The following TUT7 variants were observed in gnomAD, a reference collection of about 807,000 sequenced individuals.
The protein encoded by TUT7 is terminal uridylyltransferase 7.
TUT7 carries 33 observed loss-of-function variants against 165.9 expected under a neutral mutation model. The ratio of observed to expected loss-of-function variants is 0.20; its 90% CI spans 0.15 to 0.27. TUT7 has a LOEUF of 0.27. Among genes scored for constraint, TUT7 ranks in the 10% least tolerant of loss-of-function variants. TUT7 has a pLI of 1.00. For synonymous variants in TUT7, 552 were observed against 608.1 expected, an observed-to-expected ratio of 0.91 and a Z score of 1.36; for missense variants, 1,338 against 1,762.3, an observed-to-expected ratio of 0.76 and a Z score of 4.31.
intron 2 of TUT7, among the ~76,000 whole-genome samples, chr9:86,347,826 G>A (rs375454180): frequency 5.3e-5 from 8 of 151,828 alleles, no homozygotes; most frequent in Admixed American, 2.0e-4. Flanking sequence ...ATACTCCCCC[G>A]ACTCCCAATT....
Position 86,340,123 on chromosome 9 carries a change from A to G in TUT7, c.1139-18T>C. On this transcript the variant is annotated intron_variant, in intron 7 of 26. Coordinates refer to ENST00000375963, the MANE Select transcript of TUT7 (RefSeq NM_024617.4). ...AAAGGAGTCTGAGGAAAGAAGAAGA[A>G]AAATATTAAGTTGGTTAATTAAAGC... 3 of 1,605,344 alleles carry G rather than the reference A, an allele frequency of 1.9e-6. No homozygotes were observed. The highest frequency in any genetic ancestry group is 3.3e-5 in the Admixed American group (2 of 59,816).
At chr9:86,315,641 T>TCAAAACAAAACAAAA (rs569546895) in intron 17 of TUT7, among the ~76,000 whole-genome samples, 1 of 152,154 alleles carries the variant, frequency 6.6e-6, no homozygotes, top group Non-Finnish European at 1.5e-5. Context: ...TGCACGACCT[T>TCAAAACAAAACAAAA]CAAAACAAAA....
In TUT7 at chr9:86,309,586, A is replaced by C. The variant is rs1360704606; in HGVS notation, c.3469-10T>G. On this transcript the variant is annotated splice_polypyrimidine_tract_variant and intron_variant, in intron 19 of 26. Coordinates refer to ENST00000375963, the MANE Select transcript of TUT7 (RefSeq NM_024617.4). ...CACCAATATCACACATCTAGACAGA[A>C]GGAAAACCAAGAACAAAGGAAAGGT... 6.3e-7 allele frequency: 1 copy of C among 1,592,344 alleles called. No individual in the cohort carries two copies. The highest frequency in any genetic ancestry group is 1.8e-5 in the Admixed American group (1 of 56,840).
chr9:86,348,695 T>C (rs1016734550), intron 2 of TUT7, among the ~76,000 whole-genome samples: 1 of 152,076 alleles, frequency 6.6e-6, no homozygotes, highest in Non-Finnish European at 1.5e-5. Context: ...GAGGCTGTGG[T>C]GAGTCATGAT....
Position 86,340,005 on chromosome 9 carries a change from T to A in TUT7, c.1208+31A>T, listed in dbSNP as rs186065313. On this transcript the variant is annotated intron_variant, in intron 8 of 26. Transcript: ENST00000375963. Reference sequence around the variant, plus strand: ...ACTTGTGCTTTTGGCAAGTTGAGAGTTAGTAAATAAACAGTTTAAAGAAAT... The same window carrying A: ...ACTTGTGCTTTTGGCAAGTTGAGAGATAGTAAATAAACAGTTTAAAGAAAT... The A allele has an allele frequency of 4.0e-5, 63 of 1,575,036 alleles. No homozygotes were observed. The East Asian group carries it at 1.4e-3, about 34-fold the overall frequency.
intron 26 of TUT7, among the ~76,000 whole-genome samples, chr9:86,300,356 T>C (rs745563531): frequency 3.3e-5 from 5 of 152,190 alleles, no homozygotes; most frequent in Non-Finnish European, 7.3e-5. Flanking sequence ...TGGAGTATTT[T>C]AGGGAAACTG....
intron 5 of TUT7, among the ~76,000 whole-genome samples, 191 bp from the exon 6 acceptor site, chr9:86,343,354 A>G (rs1366907145): frequency 2.6e-5 from 4 of 152,214 alleles, no homozygotes; most frequent in Non-Finnish European, 5.9e-5. Context: ...TTAATAGGGA[A>G]GGCTGCATCA....
At chr9:86,291,869 A>G (rs1825927243) in intron 26 of TUT7, among the ~76,000 whole-genome samples, 1 of 152,228 alleles carries the variant, frequency 6.6e-6, no homozygotes, top group Admixed American at 6.5e-5. Context: ...AATCTCTCAT[A>G]CATGCTCAAG....
intron 10 of TUT7, 41 bp from the exon 11 acceptor site, chr9:86,328,533 A>T (rs760586092): frequency 9.1e-6 from 14 of 1,539,878 alleles, no homozygotes; most frequent in Non-Finnish European, 1.2e-5. Flanking sequence ...GATAGAAATA[A>T]TCTTATATCA....
chr9:86,343,388 C>A (rs1434051558), intron 5 of TUT7, among the ~76,000 whole-genome samples: 1 of 152,074 alleles, frequency 6.6e-6, no homozygotes, highest in African/African-American at 2.4e-5. Flanking sequence ...TTAACAGCCA[C>A]GCTTCATGTC....
intron 26 of TUT7, among the ~76,000 whole-genome samples, chr9:86,299,426 G>C (rs1210929905): frequency 9.2e-5 from 14 of 152,310 alleles, no homozygotes; most frequent in South Asian, 4.1e-4. Context: ...AGAAACAAGA[G>C]AGAGCAGCAT....
At chr9:86,343,259 T>A in intron 5 of TUT7, 96 bp from the exon 6 acceptor site, 1 of 748,768 alleles carries the variant, frequency 1.3e-6, no homozygotes, top group Non-Finnish European at 2.0e-6. Context: ...AACCATCAAT[T>A]AAAATTACAC....
rs1207299882 is a variant in TUT7 at position 86,353,030 on chromosome 9, G to A, written c.170C>T (p.Thr57Ile). Residue 57 changes from threonine (T) to isoleucine (I), a missense_variant, in exon 2 of 27, where the codon ACA becomes ATA. This residue lies in a region of TUT7 where 434 missense variants were observed against 480.8 expected (regional missense o/e 0.90). Transcript: ENST00000375963. ...GGGGGTATTCCCATAGTTCCCTGGT[G>A]TTATCTTCTTTTTTTGAAGGCCCTT... ...MEKGLQKKKITPGNYGNTPRK... is the reference protein window; with the variant it reads ...MEKGLQKKKIIPGNYGNTPRK... 1.9e-6 allele frequency: 3 copies of A among 1,614,166 alleles called. No homozygotes were observed. In the South Asian group the frequency reaches 3.3e-5, roughly 18 times the overall value.
intron 17 of TUT7, among the ~76,000 whole-genome samples, chr9:86,315,777 C>G (rs537767302): frequency 2.0e-4 from 30 of 151,540 alleles, no homozygotes; most frequent in African/African-American, 7.3e-4. Flanking sequence ...TTGTTCTGCC[C>G]TCTGTGAACA....
intron 26 of TUT7, among the ~76,000 whole-genome samples, chr9:86,296,010 T>G (rs1238893094): frequency 6.6e-6 from 1 of 152,236 alleles, no homozygotes; most frequent in Non-Finnish European, 1.5e-5. Flanking sequence ...AGTTTATCAC[T>G]GTGGTACCAC....
At position 86,318,592 on chromosome 9, in the gene TUT7, C is replaced by T. The variant is rs1828950880; in HGVS notation, c.3216+366G>A. The stretch of plus-strand genomic sequence containing the variant: ...GCCTCTGGACTCTAAGGTTAGTACT[C>T]TTATGATTTACCACACTGCCTGTCT... On this transcript the variant is annotated intron_variant, in intron 16 of 26. Coordinates refer to ENST00000375963, the MANE Select transcript of TUT7 (RefSeq NM_024617.4). 1.3e-5 allele frequency among the ~76,000 whole-genome samples: 2 copies of T among 152,198 alleles called. 1 individual carries two copies. Among genetic ancestry groups the T allele is most frequent in the South Asian group, 4.1e-4 (2 of 4,836 alleles).
intron 12 of TUT7, 123 bp from the exon 13 acceptor site, chr9:86,324,083 A>G (rs758473482): frequency 1.1e-6 from 1 of 945,520 alleles, no homozygotes; most frequent in Non-Finnish European, 1.5e-6. Flanking sequence ...TTTATCTTGC[A>G]TTTTATAGAC....
intron 9 of TUT7, 121 bp from the exon 10 acceptor site, chr9:86,337,659 C>T: frequency 8.3e-7 from 1 of 1,200,400 alleles, no homozygotes; most frequent in Non-Finnish European, 1.2e-6. Context: ...AATTCTTCAG[C>T]TGAAAATAGC....
At chr9:86,290,286 T>C (rs564956880) in intron 26 of TUT7, among the ~76,000 whole-genome samples, 120 of 152,368 alleles carry the variant, frequency 7.9e-4, no homozygotes, top group Middle Eastern at 6.8e-3. Flanking sequence ...TTCTTCATTT[T>C]ACTTAACATT....
Sources: gnomAD v4.1 joint callset for allele counts (sites outside exome capture counted in the v4.1 genomes callset) on GRCh38, gnomAD v4.1.1 for gene constraint, gnomAD v4.1.1 regional missense constraint, MANE v1.5 for transcripts, NCBI Gene and HGNC (gene_info 2026-07-23, HGNC 2026-07-21) for gene names.